The following SLC52A3 variants were observed in gnomAD, a reference collection of about 807,000 sequenced individuals.
SLC52A3 encodes the protein solute carrier family 52, riboflavin transporter, member 3.
Under a neutral mutation model 29.5 loss-of-function variants are expected in SLC52A3, and 20 were observed. The observed-to-expected ratio is 0.68, with a 90% CI of 0.48 to 0.99. SLC52A3 has a LOEUF of 0.99. Ranked by LOEUF, SLC52A3 falls within the 50% of genes least tolerant of loss-of-function variation. The pLI, the probability that SLC52A3 is intolerant of heterozygous loss-of-function variation, is 0.00. For synonymous variants in SLC52A3, 301 were observed against 271.0 expected (o/e 1.11, Z -1.09); for missense variants, 548 against 612.9 (o/e 0.89, Z 1.12).
At chr20:773,865 G>A (rs541843268) in intron 1 of SLC52A3, among the ~76,000 whole-genome samples, 55 of 152,288 alleles carry the variant, frequency 3.6e-4, no homozygotes, top group Admixed American at 6.5e-4. Context: ...CCAGTGCACC[G>A]TCATTGTGTG....
chr20:765,153 C>A lies in SLC52A3; in HGVS notation c.567+55G>T. On this transcript the variant is annotated intron_variant, in intron 2 of 4. Coordinates refer to ENST00000645534, the MANE Select transcript of SLC52A3 (RefSeq NM_033409.4). The surrounding 1 kb of genome is among the most constrained non-coding windows in gnomAD (Gnocchi z 6.6). ...GATGGAGGTGAGCAGTTTTTCCCTC[C>A]CCTACATTTGTGATAAAGCCAAGTG... 1 of 1,598,798 alleles carries A rather than the reference C, an allele frequency of 6.3e-7. No homozygotes were observed. The highest frequency in any genetic ancestry group is 8.6e-7 in the Non-Finnish European group (1 of 1,166,730).
intron 3 of SLC52A3, 132 bp downstream of exon 3, chr20:763,366 A>G: frequency 8.2e-7 from 1 of 1,215,082 alleles, no homozygotes; most frequent in Non-Finnish European, 1.2e-6. Context: ...CAGAGCTGGG[A>G]TTTGGACCAG....
chr20:766,960 C>T (rs1402370547), intron 1 of SLC52A3, among the ~76,000 whole-genome samples: 1 of 152,182 alleles, frequency 6.6e-6, no homozygotes, highest in Non-Finnish European at 1.5e-5. Flanking sequence ...GGTGCCATTT[C>T]TCACCATGAG....
intron 3 of SLC52A3, among the ~76,000 whole-genome samples, chr20:762,796 G>A (rs1986534603): frequency 6.6e-6 from 1 of 152,254 alleles, no homozygotes; most frequent in South Asian, 2.1e-4. Flanking sequence ...GGGAGAGTGG[G>A]TGTAAGCAGG....
chr20:764,029 G>T (rs1394766351), intron 2 of SLC52A3, 26 bp from the exon 3 acceptor site: 2 of 828,030 alleles, frequency 2.4e-6, no homozygotes, highest in Admixed American at 4.9e-5. Flanking sequence ...CAGATCCCTG[G>T]TCAGGGGAGG....
intron 1 of SLC52A3, among the ~76,000 whole-genome samples, chr20:774,499 G>T (rs1986952033): frequency 6.6e-6 from 1 of 152,202 alleles, no homozygotes; most frequent in East Asian, 1.9e-4. Context: ...TGGGGGAGAT[G>T]AAGGGGAGTG....
At chr20:768,596 T>C (rs766873906), upstream of SLC52A3, 6 of 152,242 alleles carry the variant, frequency 3.9e-5, no homozygotes, top group Non-Finnish European at 5.9e-5. Flanking sequence ...GGGCTGGGAC[T>C]TCCTTCCTCA....
chr20:774,686 AC>A (rs1353618820), intron 1 of SLC52A3, among the ~76,000 whole-genome samples: 1 of 152,186 alleles, frequency 6.6e-6, no homozygotes, highest in Non-Finnish European at 1.5e-5. Context: ...GGCCTCAGCC[AC>A]CCTCACTGTT....
At chr20:770,155 G>GTTTTTTTTT (rs71191969), upstream of SLC52A3, among the ~76,000 whole-genome samples, 1 of 143,162 alleles carries the variant, frequency 7.0e-6, no homozygotes, top group Non-Finnish European at 1.5e-5. This position sits in a 1 kb window ranked among gnomAD's most constrained non-coding sequence, Gnocchi z 4.5. Context: ...TCTGACTGCT[G>GTTTTTTTTT]TTTTTTTTTT....
chr20:771,428 A>G (rs1023523161), upstream of SLC52A3, among the ~76,000 whole-genome samples: 2 of 152,234 alleles, frequency 1.3e-5, no homozygotes, highest in African/African-American at 4.8e-5. Flanking sequence ...CTCTTGTCTC[A>G]AAAAACTAAA....
At position 765,316 on chromosome 20, in the gene SLC52A3, G is replaced by A. The variant is rs756945193; in HGVS notation, c.459C>T (p.Ala153=). Residue 153 remains alanine (A), a synonymous_variant, in exon 2 of 5, where the codon GCC becomes GCT. Coordinates refer to ENST00000645534, the MANE Select transcript of SLC52A3 (RefSeq NM_033409.4). This position sits in a 1 kb window ranked among gnomAD's most constrained non-coding sequence, Gnocchi z 6.6. ...VGEGLSGLLP[A]LVALAQGSGL... Reference sequence around the variant, plus strand: ...CGGAGCCCTGGGCAAGAGCCACCAGGGCGGGCAAGAGGCCGCTGAGTCCTT... The same window carrying A: ...CGGAGCCCTGGGCAAGAGCCACCAGAGCGGGCAAGAGGCCGCTGAGTCCTT... The A allele has an allele frequency of 1.2e-6, 2 of 1,614,104 alleles. No individual in the cohort carries two copies. The highest frequency in any genetic ancestry group is 1.7e-5 in the Admixed American group (1 of 60,012).
At chr20:778,251 G>A (rs1274199921), upstream of SLC52A3, among the ~76,000 whole-genome samples, 1 of 152,136 alleles carries the variant, frequency 6.6e-6, no homozygotes, top group Non-Finnish European at 1.5e-5. Flanking sequence ...CTGACCTCAG[G>A]TGATCTTCTT....
At chr20:771,503 T>C (rs78459211), upstream of SLC52A3, among the ~76,000 whole-genome samples, 1,421 of 152,162 alleles carry the variant, frequency 9.3e-3, 34 homozygotes, top group African/African-American at 0.032. Flanking sequence ...AGGATATATA[T>C]TGAAAGATTA....
chr20:763,292 C>T (rs1020906675), intron 3 of SLC52A3, among the ~76,000 whole-genome samples: 1 of 152,244 alleles, frequency 6.6e-6, no homozygotes, highest in Non-Finnish European at 1.5e-5. Flanking sequence ...CTCCCATTTT[C>T]CGATAAATAT....
upstream of SLC52A3, among the ~76,000 whole-genome samples, chr20:776,881 T>C (rs1178292771): frequency 6.6e-6 from 1 of 150,566 alleles, no homozygotes; most frequent in Non-Finnish European, 1.5e-5. Flanking sequence ...AGGAGCAGGG[T>C]TGGCGGTCCT....
chr20:773,026 G>C (rs1415458752), upstream of SLC52A3, among the ~76,000 whole-genome samples: 1 of 152,252 alleles, frequency 6.6e-6, no homozygotes, highest in Non-Finnish European at 1.5e-5. Flanking sequence ...GGAGGAGACA[G>C]GGCAGGTCCC....
chr20:776,031 C>CAG (rs374349641), upstream of SLC52A3: 11 of 152,412 alleles, frequency 7.2e-5, no homozygotes, highest in African/African-American at 2.4e-4. Flanking sequence ...TGTCCCCGCC[C>CAG]AGAGCTCGGG....
At position 763,806 on chromosome 20, in the gene SLC52A3, G is replaced by A. The variant is rs3746805; in HGVS notation, c.765C>T (p.Leu255=). 728,581 of 1,613,914 alleles carry A rather than the reference G, an allele frequency of 0.45. 170,742 individuals carry two copies. The highest frequency in any genetic ancestry group is 0.5 in the Middle Eastern group (3,026 of 6,060). The change falls in exon 3 of 5, where the codon CTC becomes CTT. Residue 255 remains leucine, a synonymous_variant. Coordinates refer to ENST00000645534, the MANE Select transcript of SLC52A3 (RefSeq NM_033409.4). ...AGTGGAGGGTGACCTGGTCATTGAG[G>A]AGGTCTTCCACGGAAGCCTCCCAGC... The part of the protein sequence containing the change: ...PRCWEASVED[L]LNDQVTLHSI...
chr20:770,753 G>T (rs937831550), upstream of SLC52A3, among the ~76,000 whole-genome samples: 1 of 152,156 alleles, frequency 6.6e-6, no homozygotes, highest in African/African-American at 2.4e-5. This position sits in a 1 kb window ranked among gnomAD's most constrained non-coding sequence, Gnocchi z 4.5. Flanking sequence ...CTAGAGCAAG[G>T]CAAAAATAAT....
Sources: gnomAD v4.1 joint callset for allele counts (sites outside exome capture counted in the v4.1 genomes callset) on GRCh38, gnomAD v4.1.1 for gene constraint, Gnocchi (gnomAD v3.1) non-coding constraint, MANE v1.5 for transcripts, NCBI Gene and HGNC (gene_info 2026-07-23, HGNC 2026-07-21) for gene names.